Variants in CORO2B observed in about 807,000 individuals in gnomAD.
CORO2B encodes coronin 2B.
In CORO2B, 26 loss-of-function variants were observed where a neutral mutation model predicts 58.8. That is an observed-to-expected ratio of 0.44 (90% CI 0.32 to 0.61). CORO2B has a LOEUF of 0.61. Ranked by LOEUF, CORO2B falls within the 20% of genes least tolerant of loss-of-function variation. The pLI, the probability that CORO2B is intolerant of heterozygous loss-of-function variation, is 0.04. For synonymous variants in CORO2B, 242 were observed against 253.8 expected (o/e 0.95, Z 0.44); for missense variants, 460 against 645.1 (o/e 0.71, Z 3.11).
the CORO2B span, among the ~76,000 whole-genome samples, chr15:68,536,234 A>C: frequency 6.6e-6 from 1 of 152,218 alleles, no homozygotes; most frequent in East Asian, 1.9e-4. Context: ...CTTGATCTCC[A>C]TGTACGTTGG....
At chr15:68,581,231 C>G (rs746689841) in intron 1 of CORO2B, among the ~76,000 whole-genome samples, 9 of 152,218 alleles carry the variant, frequency 5.9e-5, no homozygotes, top group Non-Finnish European at 1.3e-4. Context: ...CAGCCCCCAA[C>G]AAACCCTCCA....
At chr15:68,556,107 G>A in the CORO2B span, among the ~76,000 whole-genome samples, 1 of 152,242 alleles carries the variant, frequency 6.6e-6, no homozygotes. Context: ...ACAGGACGGG[G>A]AGCGGGCCAG....
chr15:68,686,876 G>A (rs1189957951), intron 2 of CORO2B, among the ~76,000 whole-genome samples: 1 of 150,072 alleles, frequency 6.7e-6, no homozygotes, highest in Non-Finnish European at 1.5e-5. Context: ...CCCAGCCTGC[G>A]CAACAAGAGC....
At chr15:68,691,930 A>G (rs57234041) in intron 2 of CORO2B, among the ~76,000 whole-genome samples, 39,938 of 152,134 alleles carry the variant, frequency 0.26, 5,581 homozygotes, top group African/African-American at 0.34. Flanking sequence ...CTTAATGCAC[A>G]CAGCTCTGCT....
At chr15:68,519,201 A>G in the CORO2B span, among the ~76,000 whole-genome samples, 1 of 152,188 alleles carries the variant, frequency 6.6e-6, no homozygotes, top group Non-Finnish European at 1.5e-5. Context: ...CCTGCAGAAA[A>G]TGTGGCCAGG....
At chr15:68,518,548 T>C in the CORO2B span, among the ~76,000 whole-genome samples, 4 of 152,002 alleles carry the variant, frequency 2.6e-5, no homozygotes, top group Admixed American at 2.6e-4. Context: ...TTGGCTCTTT[T>C]CCCCCTTGCT....
chr15:68,631,317 C>T (rs1016038730), intron 1 of CORO2B, among the ~76,000 whole-genome samples: 2 of 152,140 alleles, frequency 1.3e-5, no homozygotes, highest in African/African-American at 4.8e-5. Flanking sequence ...GGCAGTGTTG[C>T]CCCCATTTTT....
chr15:68,562,603 A>G, the CORO2B span, among the ~76,000 whole-genome samples: 2 of 152,324 alleles, frequency 1.3e-5, no homozygotes, highest in East Asian at 3.9e-4. Flanking sequence ...AAAATTACTC[A>G]TTGTTTCTTG....
chr15:68,576,799 AG>A (rs936510082), upstream of CORO2B, among the ~76,000 whole-genome samples: 2 of 152,166 alleles, frequency 1.3e-5, no homozygotes, highest in African/African-American at 4.8e-5. Flanking sequence ...TGCAGGTTAA[AG>A]GTATATTTTG....
chr15:68,671,553 G>C (rs543793916), intron 2 of CORO2B, among the ~76,000 whole-genome samples: 70 of 152,352 alleles, frequency 4.6e-4, no homozygotes, highest in African/African-American at 1.6e-3. Flanking sequence ...TTCTGGTTCA[G>C]GGTCTCATTT....
chr15:68,703,465 T>C (rs1892708949), intron 3 of CORO2B, among the ~76,000 whole-genome samples: 3 of 152,122 alleles, frequency 2.0e-5, no homozygotes, highest in Admixed American at 1.3e-4. Context: ...AACCATATCT[T>C]ATACTGTCCT....
chr15:68,533,639 G>A, the CORO2B span, among the ~76,000 whole-genome samples: 153 of 152,304 alleles, frequency 1.0e-3, no homozygotes, highest in African/African-American at 3.6e-3. Context: ...TTGGGCAGGG[G>A]CCTAGAGAGA....
chr15:68,565,061 C>T, the CORO2B span, among the ~76,000 whole-genome samples: 3 of 152,070 alleles, frequency 2.0e-5, no homozygotes, highest in East Asian at 1.9e-4. Flanking sequence ...AGTAACTTTT[C>T]GAAGTTACCA....
At chr15:68,534,207 CT>C in the CORO2B span, among the ~76,000 whole-genome samples, 3 of 152,174 alleles carry the variant, frequency 2.0e-5, no homozygotes, top group Non-Finnish European at 4.4e-5. Context: ...ATGAAGCTTT[CT>C]TTTCCCCACC....
intron 1 of CORO2B, among the ~76,000 whole-genome samples, chr15:68,580,704 A>G (rs74020240): frequency 0.043 from 6,614 of 152,128 alleles, 471 homozygotes; most frequent in African/African-American, 0.15. Flanking sequence ...TGGGAGGGAT[A>G]TTAAGGTTAT....
At chr15:68,539,412 C>A in the CORO2B span, among the ~76,000 whole-genome samples, 2 of 152,142 alleles carry the variant, frequency 1.3e-5, no homozygotes, top group East Asian at 3.9e-4. Context: ...GTGGCTCACA[C>A]CTGTAATCCC....
chr15:68,550,703 A>C, the CORO2B span, among the ~76,000 whole-genome samples: 7 of 152,144 alleles, frequency 4.6e-5, no homozygotes, highest in African/African-American at 1.4e-4. Flanking sequence ...TCTCAGAACA[A>C]ATCTACCTGC....
At chr15:68,691,997 G>A (rs994277481) in intron 2 of CORO2B, among the ~76,000 whole-genome samples, 3 of 152,210 alleles carry the variant, frequency 2.0e-5, no homozygotes, top group Admixed American at 1.3e-4. Context: ...CTCTGTCAGA[G>A]AGTAAGTGAG....
the CORO2B span, among the ~76,000 whole-genome samples, chr15:68,562,232 G>A: frequency 6.6e-6 from 1 of 152,292 alleles, no homozygotes; most frequent in African/African-American, 2.4e-5. Context: ...GGTGCAGGTG[G>A]GAAAGCCTTG....
Sources: gnomAD v4.1 joint callset for allele counts (sites outside exome capture counted in the v4.1 genomes callset) on GRCh38, gnomAD v4.1.1 for gene constraint, MANE v1.5 for transcripts, NCBI Gene and HGNC (gene_info 2026-07-23, HGNC 2026-07-21) for gene names.